TENM4: variants seen among roughly 807,000 people sequenced by gnomAD.
The protein encoded by TENM4 is teneurin transmembrane protein 4.
TENM4 carries 82 observed loss-of-function variants against 243.3 expected under a neutral mutation model. The observed-to-expected ratio is 0.34, with a 90% CI of 0.28 to 0.40. The LOEUF (loss-of-function observed/expected upper bound fraction) is 0.40, where lower values mean the gene tolerates loss of function less well. Among genes scored for constraint, TENM4 ranks in the 10% least tolerant of loss-of-function variants. The pLI is 1.00. For missense variants in TENM4, 3,138 were observed against 3,673.3 expected, an observed-to-expected ratio of 0.85 and a Z score of 3.77; for synonymous variants, 1,412 against 1,456.3, an observed-to-expected ratio of 0.97 and a Z score of 0.69.
Position 78,872,303 on chromosome 11 carries a change from A to G in TENM4, c.1085-9171T>C, listed in dbSNP as rs550163516. ...CATTCTAGGAAGCGGCTCCACACAG[A>G]AGGGGTGCTTAAACCTAGTACAATG... is the stretch of plus-strand genomic sequence containing the variant. On this transcript the variant is annotated intron_variant, in intron 9 of 33. Transcript: ENST00000278550. Among the ~76,000 whole-genome samples the G allele has an allele frequency of 3.9e-5, 6 of 152,284 alleles. No homozygotes were observed. The East Asian group carries it at 1.2e-3, about 29-fold the overall frequency.
At chr11:78,866,535 T>G (rs1454151156) in intron 9 of TENM4, among the ~76,000 whole-genome samples, 1 of 139,158 alleles carries the variant, frequency 7.2e-6, no homozygotes, top group African/African-American at 2.7e-5. Context: ...CAGGTGAAAA[T>G]GATCAACAGG....
chr11:78,687,839 A>G (rs1858723663), intron 29 of TENM4, among the ~76,000 whole-genome samples: 1 of 152,216 alleles, frequency 6.6e-6, no homozygotes. Flanking sequence ...TTCTGATAAC[A>G]GGATAGGACA....
At chr11:79,200,929 A>G (rs905175387) in intron 3 of TENM4, among the ~76,000 whole-genome samples, 21 of 152,188 alleles carry the variant, frequency 1.4e-4, no homozygotes, top group Non-Finnish European at 2.8e-4. Context: ...ACCTTGTTTA[A>G]TCAGTCCCAG....
At chr11:79,194,434 A>G (rs994010117) in intron 3 of TENM4, among the ~76,000 whole-genome samples, 3 of 152,140 alleles carry the variant, frequency 2.0e-5, no homozygotes, top group African/African-American at 7.2e-5. Flanking sequence ...TTGGAACCTC[A>G]TGGAGACTTG....
intron 3 of TENM4, among the ~76,000 whole-genome samples, chr11:79,215,350 C>A (rs957162485): frequency 1.4e-4 from 21 of 152,236 alleles, no homozygotes; most frequent in Admixed American, 1.4e-3. Flanking sequence ...CACTCACCTC[C>A]CCGTATCCTA....
At chr11:78,917,204 C>T (rs1394954720) in intron 6 of TENM4, among the ~76,000 whole-genome samples, 1 of 152,232 alleles carries the variant, frequency 6.6e-6, no homozygotes, top group Non-Finnish European at 1.5e-5. Context: ...TGCAAGGCTA[C>T]ACAGCTTGCC....
intron 17 of TENM4, among the ~76,000 whole-genome samples, chr11:78,774,114 A>C (rs1856695301): frequency 6.6e-6 from 1 of 152,222 alleles, no homozygotes; most frequent in Non-Finnish European, 1.5e-5. Context: ...AATGGAGATA[A>C]TACCTGATTC....
At chr11:79,173,860 G>A (rs1275508548) in intron 3 of TENM4, among the ~76,000 whole-genome samples, 1 of 152,200 alleles carries the variant, frequency 6.6e-6, no homozygotes, top group Non-Finnish European at 1.5e-5. Context: ...ATTTAGCCCA[G>A]AAGAATGTCT....
At chr11:78,896,157 C>T (rs1855789689) in intron 7 of TENM4, among the ~76,000 whole-genome samples, 1 of 152,196 alleles carries the variant, frequency 6.6e-6, no homozygotes, top group Non-Finnish European at 1.5e-5. Flanking sequence ...CACAGTGAGC[C>T]CGCTGTCCTG....
intron 6 of TENM4, among the ~76,000 whole-genome samples, chr11:78,928,903 G>C (rs888768912): frequency 1.3e-5 from 2 of 152,314 alleles, no homozygotes; most frequent in African/African-American, 2.4e-5. Flanking sequence ...GATCTGTGAA[G>C]GTGGCATGAG....
At chr11:79,200,137 G>A (rs1292633203) in intron 3 of TENM4, among the ~76,000 whole-genome samples, 1 of 152,202 alleles carries the variant, frequency 6.6e-6, no homozygotes, top group Non-Finnish European at 1.5e-5. Context: ...TCTAAAAATA[G>A]CAGTGGTTAT....
chr11:79,019,313 TC>T (rs997296465), intron 6 of TENM4, among the ~76,000 whole-genome samples: 1 of 152,112 alleles, frequency 6.6e-6, no homozygotes, highest in African/African-American at 2.4e-5. Context: ...AACCTGAGCA[TC>T]CCACTAGACC....
chr11:79,024,863 A>G (rs767842304), intron 6 of TENM4, among the ~76,000 whole-genome samples: 4 of 152,234 alleles, frequency 2.6e-5, no homozygotes, highest in Non-Finnish European at 5.9e-5. Context: ...GCCAAGGGCC[A>G]CACACCAGAA....
At position 79,313,603 on chromosome 11, in the gene TENM4, T is replaced by G. The variant is rs374038698; in HGVS notation, c.-320-16060A>C. Among the ~76,000 whole-genome samples the G allele has an allele frequency of 5.9e-5, 9 of 152,314 alleles. No homozygotes were observed. In the South Asian group the frequency reaches 1.2e-3, roughly 21 times the overall value. Reference sequence around the variant, plus strand: ...CTAACAAATTTCCTTTGACTTTGTTTCACATAATCCTGCTTCTGTCTGCTT... The same window carrying G: ...CTAACAAATTTCCTTTGACTTTGTTGCACATAATCCTGCTTCTGTCTGCTT... On this transcript the variant is annotated intron_variant, in intron 1 of 33. Coordinates refer to ENST00000278550, the MANE Select transcript of TENM4 (RefSeq NM_001098816.3).
intron 3 of TENM4, among the ~76,000 whole-genome samples, chr11:79,179,188 C>T (rs1366443902): frequency 6.6e-6 from 1 of 152,194 alleles, no homozygotes; most frequent in East Asian, 1.9e-4. Flanking sequence ...TGCCAACTAC[C>T]TCACAACGTT....
At chr11:79,354,183 A>T (rs193253382) in intron 1 of TENM4, among the ~76,000 whole-genome samples, 1 of 152,382 alleles carries the variant, frequency 6.6e-6, no homozygotes, top group Non-Finnish European at 1.5e-5. Context: ...CCTGGCACAT[A>T]GTAAGCCCTC....
intron 6 of TENM4, among the ~76,000 whole-genome samples, chr11:78,934,159 C>A (rs1021369023): frequency 2.6e-5 from 4 of 152,130 alleles, no homozygotes; most frequent in Non-Finnish European, 4.4e-5. Context: ...GGAGATCCTG[C>A]AGAAAGACAG....
At chr11:78,820,742 A>G (rs992064203) in intron 12 of TENM4, among the ~76,000 whole-genome samples, 1 of 152,250 alleles carries the variant, frequency 6.6e-6, no homozygotes, top group Non-Finnish European at 1.5e-5. Context: ...AAAACTGGAA[A>G]ACAAACAAGC....
Position 78,812,176 on chromosome 11 carries a change from T to C in TENM4, c.1924A>G (p.Ile642Val). 1 of 1,551,862 alleles carries C rather than the reference T, an allele frequency of 6.4e-7. No individual in the cohort carries two copies. Among genetic ancestry groups the C allele is most frequent in the South Asian group, 1.2e-5 (1 of 84,068 alleles). ...DVACSNHGTC[I>V]TGTCICNPGY... Reference sequence around the variant, plus strand: ...GGGTTGCAGATGCAGGTGCCCGTGATGCAGGTGCCATGGTTGCTGCAGGCC... The same window carrying C: ...GGGTTGCAGATGCAGGTGCCCGTGACGCAGGTGCCATGGTTGCTGCAGGCC... The change falls in exon 14 of 34, where the codon ATC (isoleucine) becomes GTC (valine). Residue 642 changes from isoleucine to valine, a missense_variant. Ile to Val is a conservative substitution (Grantham distance 29, BLOSUM62 3). This residue lies in a region of TENM4 where 2,467 missense variants were observed against 3,059.1 expected (regional missense o/e 0.81). Coordinates refer to ENST00000278550, the MANE Select transcript of TENM4 (RefSeq NM_001098816.3).
Sources: allele counts gnomAD v4.1 joint callset (sites outside exome capture counted in the v4.1 genomes callset), GRCh38; gene constraint gnomAD v4.1.1; regional missense constraint gnomAD v4.1.1; transcripts MANE v1.5; gene names NCBI Gene and HGNC (gene_info 2026-07-23, HGNC 2026-07-21).